The following DST variants were observed in gnomAD, a reference collection of about 807,000 sequenced individuals.
DST encodes bullous pemphigoid antigen.
DST carries 253 observed loss-of-function variants against 875.2 expected under a neutral mutation model. The ratio of observed to expected loss-of-function variants is 0.29; its 90% CI spans 0.26 to 0.32. The LOEUF (loss-of-function observed/expected upper bound fraction) is 0.32. Among genes scored for constraint, DST ranks in the 10% least tolerant of loss-of-function variants. DST has a pLI of 1.00. For missense variants in DST, 8,287 were observed against 9,111.6 expected (o/e 0.91, Z 3.68); for synonymous variants, 3,124 against 3,197.1 (o/e 0.98, Z 0.77).
At chr6:56,612,566 T>G (rs2098554194) in intron 37 of DST, among the ~76,000 whole-genome samples, 1 of 152,182 alleles carries the variant, frequency 6.6e-6, no homozygotes, top group Non-Finnish European at 1.5e-5. Flanking sequence ...TAATTGCCAT[T>G]CTTTTAAATT....
chr6:56,636,405 T>C (rs992059884), intron 23 of DST, 152 bp downstream of exon 23: 6 of 652,196 alleles, frequency 9.2e-6, no homozygotes, highest in Non-Finnish European at 1.7e-5. Context: ...TATGTGTGTA[T>C]ATATATACAC....
At chr6:56,459,997 T>C (rs2094246151) in intron 103 of DST, 134 bp downstream of exon 103, 1 of 1,089,622 alleles carries the variant, frequency 9.2e-7, no homozygotes, top group African/African-American at 1.6e-5. Flanking sequence ...TTTGGAGGAC[T>C]GGGGCTACAT....
intron 5 of DST, among the ~76,000 whole-genome samples, chr6:56,722,362 ATGTT>A (rs34299400): frequency 1.6e-4 from 24 of 146,380 alleles, no homozygotes; most frequent in Non-Finnish European, 3.0e-4. Context: ...AAAGTAGTAC[ATGTT>A]TGTTTATTTA....
chr6:56,783,466 T>C (rs565262534), intron 4 of DST, among the ~76,000 whole-genome samples: 13 of 152,304 alleles, frequency 8.5e-5, no homozygotes, highest in African/African-American at 2.9e-4. Flanking sequence ...TTGATCCCTT[T>C]ACCATTACGT....
chr6:56,504,210 A>T (rs1309328161), intron 77 of DST, 112 bp from the exon 78 acceptor site: 2 of 696,554 alleles, frequency 2.9e-6, no homozygotes, highest in African/African-American at 1.9e-5. Flanking sequence ...TTATAGAATT[A>T]GACTATTTTA....
At chr6:56,852,056 A>T in intron 3 of DST, 1 of 1,411,972 alleles carries the variant, frequency 7.1e-7, no homozygotes, top group Non-Finnish European at 9.2e-7. Context: ...ACAAAGCACA[A>T]ATGCAGGATG....
At position 56,617,246 on chromosome 6, in the gene DST, A is replaced by G. The variant is rs1272069390; in HGVS notation, c.4930-2762T>C. ...GACTGAACATGCATGATCACCATCA[A>G]AGTTCTGGAAGGTCTCTGGTTCTAA... On this transcript the variant is annotated intron_variant, in intron 36 of 103. Transcript: ENST00000680361. 1 of 1,608,416 alleles carries G rather than the reference A, an allele frequency of 6.2e-7. No homozygotes were observed. The highest frequency in any genetic ancestry group is 8.5e-7 in the Non-Finnish European group (1 of 1,177,406).
intron 13 of DST, among the ~76,000 whole-genome samples, chr6:56,647,629 T>C (rs759585328): frequency 4.6e-5 from 7 of 151,990 alleles, no homozygotes; most frequent in Non-Finnish European, 8.8e-5. Context: ...AAACCAAATA[T>C]ACAAATGAGA....
chr6:56,765,452 T>G (rs1043357283), intron 4 of DST, among the ~76,000 whole-genome samples: 1 of 152,140 alleles, frequency 6.6e-6, no homozygotes, highest in Non-Finnish European at 1.5e-5. Flanking sequence ...GAACTGCCAA[T>G]GAAGAGAATG....
In DST at chr6:56,640,408, G is replaced by T; in HGVS notation, c.2225C>A (p.Thr742Asn). ...GLTQSLTPSL[T>N]SSSMTSGLSS... ...CAGGCCAGAAGTCATACTAGAAGAGGTTAGGGAAGGTGTTAAACTCTGGGT... is the reference window on the plus strand; with the variant it reads ...CAGGCCAGAAGTCATACTAGAAGAGTTTAGGGAAGGTGTTAAACTCTGGGT... Residue 742 changes from threonine to asparagine, a missense_variant, in exon 18 of 104, where the codon ACC becomes AAC. Physicochemically the swap from Thr to Asn is moderately conservative, Grantham distance 65 (BLOSUM62 0). This residue lies in a region of DST where 1,160 missense variants were observed against 1,424.3 expected (regional missense o/e 0.81). Coordinates refer to ENST00000680361, the MANE Select transcript of DST (RefSeq NM_001374736.1). 1.9e-6 allele frequency: 3 copies of T among 1,614,150 alleles called. No individual in the cohort carries two copies. The highest frequency in any genetic ancestry group is 2.5e-6 in the Non-Finnish European group (3 of 1,180,004).
intron 22 of DST, among the ~76,000 whole-genome samples, chr6:56,638,351 C>G (rs2098845690): frequency 6.6e-6 from 1 of 152,138 alleles, no homozygotes; most frequent in African/African-American, 2.4e-5. Context: ...CATGTAGACA[C>G]AAAACCGTAT....
chr6:56,876,418 A>G (rs1222681274), intron 3 of DST, among the ~76,000 whole-genome samples: 2 of 152,116 alleles, frequency 1.3e-5, no homozygotes, highest in African/African-American at 2.4e-5. Context: ...TAATCCAAAA[A>G]TGTGACCTCC....
Position 56,515,830 on chromosome 6 carries a change from C to T in DST, c.18358-162G>A, listed in dbSNP as rs867976185. On this transcript the variant is annotated intron_variant, in intron 71 of 103. Transcript: ENST00000680361. ...GCTATTCAGATTTTAATGGTTTATA[C>T]GTACAAAAGTTCACTTTAAATTAAA... is the stretch of plus-strand genomic sequence containing the variant. Among the ~76,000 whole-genome samples, 34 of 152,038 alleles carry T rather than the reference C, an allele frequency of 2.2e-4. 1 individual carries two copies. The highest frequency in any genetic ancestry group is 7.7e-4 in the African/African-American group (32 of 41,480).
intron 36 of DST, chr6:56,619,347 C>G: frequency 6.2e-7 from 1 of 1,613,502 alleles, no homozygotes; most frequent in South Asian, 1.1e-5. Context: ...TTACTTTTCT[C>G]CAATTCTTCA....
chr6:56,716,504 A>G (rs2099395032), intron 5 of DST, among the ~76,000 whole-genome samples: 1 of 152,238 alleles, frequency 6.6e-6, no homozygotes, highest in Non-Finnish European at 1.5e-5. Context: ...TACCAAAAGC[A>G]TACATTATTT....
intron 45 of DST, among the ~76,000 whole-genome samples, chr6:56,599,435 C>A (rs1034730163): frequency 1.3e-5 from 2 of 152,058 alleles, no homozygotes; most frequent in African/African-American, 4.8e-5. Context: ...GTGACCTTAA[C>A]TGTGCTAGTG....
chr6:56,467,898 T>C (rs1340354347), intron 98 of DST, among the ~76,000 whole-genome samples: 3 of 152,112 alleles, frequency 2.0e-5, no homozygotes, highest in African/African-American at 4.8e-5. Flanking sequence ...TCTCTGCAAA[T>C]AAAAGATGCT....
chr6:56,641,369 T>C (rs1306489530), intron 17 of DST, among the ~76,000 whole-genome samples: 5 of 152,080 alleles, frequency 3.3e-5, no homozygotes, highest in Admixed American at 2.6e-4. Flanking sequence ...GGTGGATCAC[T>C]TAAGGTCAGG....
At chr6:56,673,487 C>G (rs1461882422) in intron 9 of DST, among the ~76,000 whole-genome samples, 1 of 152,096 alleles carries the variant, frequency 6.6e-6, no homozygotes, top group Non-Finnish European at 1.5e-5. Flanking sequence ...TACCTGTTAA[C>G]TAGGGAAGTC....
Sources: gnomAD v4.1 joint callset for allele counts (sites outside exome capture counted in the v4.1 genomes callset) on GRCh38, gnomAD v4.1.1 for gene constraint, gnomAD v4.1.1 regional missense constraint, MANE v1.5 for transcripts, NCBI Gene and HGNC (gene_info 2026-07-23, HGNC 2026-07-21) for gene names.